Variants in ABTB2 observed in about 807,000 individuals in gnomAD.
ABTB2 encodes the protein ankyrin repeat and BTB/POZ domain-containing protein 2.
A neutral mutation model predicts 104.1 loss-of-function variants in ABTB2; 56 were observed. The ratio of observed to expected loss-of-function variants is 0.54; its 90% CI spans 0.43 to 0.67. The LOEUF (loss-of-function observed/expected upper bound fraction) is 0.67. ABTB2 is among the 30% of genes least tolerant of loss of function. ABTB2 has a pLI of 0.00. For missense variants in ABTB2, 1,279 were observed against 1,407.7 expected (o/e 0.91, Z 1.46); for synonymous variants, 606 against 608.2 (o/e 1.00, Z 0.05).
chr11:34,275,903 T>C (rs1445865666), intron 1 of ABTB2, among the ~76,000 whole-genome samples: 1 of 152,308 alleles, frequency 6.6e-6, no homozygotes, highest in East Asian at 1.9e-4. Flanking sequence ...GAAGAGGTCA[T>C]GGCCCGAGAA....
intron 1 of ABTB2, among the ~76,000 whole-genome samples, chr11:34,212,241 G>A (rs1209643535): frequency 1.3e-5 from 2 of 152,236 alleles, no homozygotes; most frequent in East Asian, 1.9e-4. Flanking sequence ...ATTTTTAGTA[G>A]AGACGGGGTT....
At chr11:34,223,797 C>G (rs1258526867) in intron 1 of ABTB2, among the ~76,000 whole-genome samples, 1 of 152,224 alleles carries the variant, frequency 6.6e-6, no homozygotes, top group Non-Finnish European at 1.5e-5. Flanking sequence ...GTCCACCCCT[C>G]AAGTCAACTG....
At chr11:34,328,963 A>G (rs1855100395) in intron 1 of ABTB2, among the ~76,000 whole-genome samples, 1 of 152,258 alleles carries the variant, frequency 6.6e-6, no homozygotes, top group Admixed American at 6.5e-5. Context: ...AACTTCAAGT[A>G]TGTCAAGGTA....
At chr11:34,289,958 A>G (rs937968845) in intron 1 of ABTB2, among the ~76,000 whole-genome samples, 3 of 152,226 alleles carry the variant, frequency 2.0e-5, no homozygotes, top group African/African-American at 7.2e-5. Context: ...CCTGTAACTA[A>G]CTATAGTCCT....
chr11:34,191,001 A>G (rs553694053), intron 3 of ABTB2, among the ~76,000 whole-genome samples: 5 of 152,222 alleles, frequency 3.3e-5, no homozygotes, highest in Non-Finnish European at 7.3e-5. Flanking sequence ...TGATGAGGAA[A>G]CTGAGGCCCA....
At chr11:34,341,313 G>A (rs1035925872) in intron 1 of ABTB2, among the ~76,000 whole-genome samples, 1 of 152,150 alleles carries the variant, frequency 6.6e-6, no homozygotes, top group Non-Finnish European at 1.5e-5. Context: ...AGGGTCCAGA[G>A]GTTAGAGCCA....
chr11:34,191,191 C>T (rs376724860), intron 3 of ABTB2, among the ~76,000 whole-genome samples: 3 of 152,128 alleles, frequency 2.0e-5, no homozygotes, highest in Non-Finnish European at 4.4e-5. Flanking sequence ...ATCACTTGCA[C>T]CCAGGAGTTC....
At chr11:34,316,720 A>AT (rs530021796) in intron 1 of ABTB2, among the ~76,000 whole-genome samples, 29 of 152,358 alleles carry the variant, frequency 1.9e-4, no homozygotes, top group Admixed American at 5.2e-4. Context: ...CTTGAATGTG[A>AT]TAAAAACCGC....
rs890215092 is a variant in ABTB2, at chr11:34,274,108, C to T, written c.884-69418G>A. ...CGGAGCTTGCAGTGAGCCGAGATTG[C>T]GCCACTGCAGTCCGCAGTCCGGCCT... is the stretch of plus-strand genomic sequence containing the variant. On this transcript the variant is annotated intron_variant, in intron 1 of 16. Transcript: ENST00000435224. 4.4e-5 allele frequency among the ~76,000 whole-genome samples: 6 copies of T among 135,130 alleles called. No homozygotes were observed. In the South Asian group the frequency reaches 9.8e-4, roughly 22 times the overall value. The allele number at this position is 135,130 out of a possible 152,430, so 88.7% of individuals were successfully genotyped here. A position where few individuals can be genotyped will look rare whatever the true frequency, so the allele number is the denominator to read the frequency against.
At chr11:34,314,221 A>G (rs1440243923) in intron 1 of ABTB2, among the ~76,000 whole-genome samples, 2 of 152,186 alleles carry the variant, frequency 1.3e-5, no homozygotes, top group African/African-American at 4.8e-5. Flanking sequence ...GCCATGTCGC[A>G]TGCCCAAGAG....
At chr11:34,159,590 C>A (rs778672940) in intron 13 of ABTB2, among the ~76,000 whole-genome samples, 6 of 152,206 alleles carry the variant, frequency 3.9e-5, no homozygotes, top group Admixed American at 1.3e-4. Flanking sequence ...CTGTCCCCAC[C>A]ACCCACCCTA....
At chr11:34,276,878 G>A (rs1452857346) in intron 1 of ABTB2, among the ~76,000 whole-genome samples, 1 of 152,186 alleles carries the variant, frequency 6.6e-6, no homozygotes, top group Non-Finnish European at 1.5e-5. Context: ...CAGAACAGTA[G>A]GTGCCCACTT....
At chr11:34,267,483 T>G (rs924437238) in intron 1 of ABTB2, among the ~76,000 whole-genome samples, 3 of 152,170 alleles carry the variant, frequency 2.0e-5, no homozygotes, top group African/African-American at 7.2e-5. Context: ...CCTGAATACA[T>G]GTCTGCATGT....
intron 1 of ABTB2, among the ~76,000 whole-genome samples, chr11:34,248,794 T>C (rs1854017470): frequency 6.6e-6 from 1 of 152,220 alleles, no homozygotes; most frequent in South Asian, 2.1e-4. Flanking sequence ...GCAGTCACAA[T>C]CTGATGTCTA....
chr11:34,295,158 T>C (rs527860748), intron 1 of ABTB2, among the ~76,000 whole-genome samples: 1 of 152,040 alleles, frequency 6.6e-6, no homozygotes, highest in East Asian at 1.9e-4. Context: ...CACTTTCGTC[T>C]GGGCAACAGA....
chr11:34,172,394 AAATATAT>A (rs1766823744), intron 4 of ABTB2, among the ~76,000 whole-genome samples: 1 of 40,718 alleles, frequency 2.5e-5, no homozygotes, highest in African/African-American at 7.8e-5. Flanking sequence ...AAAAAAAAAA[AAATATAT>A]ATATATATAT....
At chr11:34,229,284 C>T (rs1221167946) in intron 1 of ABTB2, among the ~76,000 whole-genome samples, 1 of 151,782 alleles carries the variant, frequency 6.6e-6, no homozygotes, top group South Asian at 2.1e-4. Flanking sequence ...AGATCAAGAC[C>T]ATCCTGGCTA....
At chr11:34,185,038 G>A (rs563370580) in intron 3 of ABTB2, among the ~76,000 whole-genome samples, 5 of 152,346 alleles carry the variant, frequency 3.3e-5, no homozygotes, top group South Asian at 2.1e-4. Flanking sequence ...TGAGCTGTGG[G>A]CCAGGGTTGG....
At chr11:34,288,825 C>G (rs1294584889) in intron 1 of ABTB2, among the ~76,000 whole-genome samples, 6 of 152,142 alleles carry the variant, frequency 3.9e-5, no homozygotes, top group Non-Finnish European at 5.9e-5. Flanking sequence ...TGCTCTATGG[C>G]CCTGACACGA....
Sources: allele counts gnomAD v4.1 joint callset (sites outside exome capture counted in the v4.1 genomes callset), GRCh38; gene constraint gnomAD v4.1.1; transcripts MANE v1.5; gene names NCBI Gene and HGNC (gene_info 2026-07-23, HGNC 2026-07-21).